The following PMPCA variants were observed in gnomAD, a reference collection of about 807,000 sequenced individuals.
PMPCA encodes mitochondrial-processing peptidase subunit alpha.
Under a neutral mutation model 59.3 loss-of-function variants are expected in PMPCA, and 47 were observed. The observed-to-expected ratio is 0.79, with a 90% CI of 0.63 to 1.01. PMPCA has a LOEUF of 1.01. Among genes scored for constraint, PMPCA ranks in the 50% least tolerant of loss-of-function variants. The probability of loss-of-function intolerance (pLI) is 0.00; values close to 1 mark genes in which losing one functional copy is unlikely to be tolerated. For missense variants in PMPCA, 726 were observed against 704.5 expected, an observed-to-expected ratio of 1.03 and a Z score of -0.34; for synonymous variants, 338 against 290.3, an observed-to-expected ratio of 1.16 and a Z score of -1.67.
chr9:136,415,126 C>G (rs1835237821), intron 5 of PMPCA, among the ~76,000 whole-genome samples: 2 of 152,178 alleles, frequency 1.3e-5, no homozygotes, highest in Non-Finnish European at 2.9e-5. Context: ...GTGCTAGTAG[C>G]CAGGCGTGCT....
intron 4 of PMPCA, 23 bp downstream of exon 4, chr9:136,412,915 A>C: frequency 2.1e-6 from 3 of 1,421,876 alleles, no homozygotes; most frequent in Non-Finnish European, 3.0e-6. Context: ...TTGTGTACAA[A>C]CTGACTTTGG....
intron 10 of PMPCA, 39 bp downstream of exon 10, chr9:136,418,957 C>G: frequency 6.2e-7 from 1 of 1,600,946 alleles, no homozygotes; most frequent in Non-Finnish European, 8.6e-7. Context: ...GTGCGGTTGC[C>G]TGTCCAGACC....
chr9:136,411,527 A>G (rs1023417648), intron 1 of PMPCA: 2 of 183,460 alleles, frequency 1.1e-5, no homozygotes, highest in African/African-American at 4.7e-5. Flanking sequence ...TGATGAGTCA[A>G]ATGTGTTCCA....
In PMPCA at chr9:136,417,193, G is replaced by A; in HGVS notation, c.876G>A (p.Gln292=). Residue 292 remains glutamine (Q), a synonymous_variant, in exon 7 of 13, where the codon CAG becomes CAA. Transcript: ENST00000371717. The stretch of plus-strand genomic sequence containing the variant: ...TGGATATTGACAGATCTGTGGCCCA[G>A]TACACTGGGGGGATTGCCAAGGTGA... ...EAVDIDRSVA[Q]YTGGIAKLER... is the part of the protein sequence containing the mutation. 3 of 1,583,036 alleles carry A rather than the reference G, an allele frequency of 1.9e-6. No individual in the cohort carries two copies. The highest frequency in any genetic ancestry group is 2.6e-6 in the Non-Finnish European group (3 of 1,158,934).
chr9:136,421,742 C>A, intron 11 of PMPCA, 90 bp from the exon 12 acceptor site: 1 of 1,250,180 alleles, frequency 8.0e-7, no homozygotes, highest in African/African-American at 1.5e-5. Context: ...CAGCTTTGGG[C>A]ACAGAGATGG....
rs977579131 is a variant in PMPCA at position 136,422,367 on chromosome 9, A to G, written c.1408+391A>G. 3.5e-6 allele frequency: 4 copies of G among 1,135,446 alleles called. No homozygotes were observed. In the African/African-American group the frequency reaches 6.5e-5, roughly 18 times the overall value. 70.3% of individuals were successfully genotyped at this position (1,135,446 alleles called of 1,614,324 possible). A position where few individuals can be genotyped will look rare whatever the true frequency, so the allele number is the denominator to read the frequency against. Reference sequence around the variant, plus strand: ...GCTGTACCGTTGCTGGCTCTCGGGCAGGAGTCTCAGCCCCAGGTTTCCGGG... The same window carrying G: ...GCTGTACCGTTGCTGGCTCTCGGGCGGGAGTCTCAGCCCCAGGTTTCCGGG... On this transcript the variant is annotated intron_variant, in intron 12 of 12. Coordinates refer to ENST00000371717, the MANE Select transcript of PMPCA (RefSeq NM_015160.3).
At chr9:136,421,404 G>GTTTTTTTGTTTTTTTTTTTTTTTTTTT (rs780035978) in intron 11 of PMPCA, among the ~76,000 whole-genome samples, 1 of 118,008 alleles carries the variant, frequency 8.5e-6, no homozygotes, top group Non-Finnish European at 1.7e-5. Context: ...CTGGGTTCCC[G>GTTTTTTTGTTTTTTTTTTTTTTTTTTT]TTTTTTTTTT....
intron 5 of PMPCA, 128 bp downstream of exon 5, chr9:136,414,775 C>G (rs1835229355): frequency 1.6e-6 from 1 of 645,006 alleles, no homozygotes; most frequent in African/African-American, 1.8e-5. Flanking sequence ...CACAAAGTGA[C>G]AGCGAGATCT....
At chr9:136,419,435 C>T (rs182870096) in intron 11 of PMPCA, 99 of 465,478 alleles carry the variant, frequency 2.1e-4, no homozygotes, top group African/African-American at 1.4e-3. Context: ...GCTTTGCTGG[C>T]GAAACGCTGC....
At chr9:136,415,996 G>T in intron 5 of PMPCA, 2 of 496,960 alleles carry the variant, frequency 4.0e-6, no homozygotes, top group South Asian at 5.3e-5. Flanking sequence ...ACTTGGGACA[G>T]ACAGGTCCAG....
chr9:136,417,318 G>T (rs117079013), intron 7 of PMPCA, 104 bp downstream of exon 7: 8 of 935,800 alleles, frequency 8.5e-6, no homozygotes, highest in Non-Finnish European at 1.3e-5. Context: ...GGTGTTGACT[G>T]CATGTGTAGC....
rs1362601486 is a variant in PMPCA at position 136,418,321 on chromosome 9, C to T, written c.990+212C>T. 8.6e-5 allele frequency among the ~76,000 whole-genome samples: 13 copies of T among 151,024 alleles called. No individual in the cohort carries two copies. The East Asian group carries it at 2.5e-3, about 29-fold the overall frequency. ...CCTCTGTCCCTGGCGTCTGACGGCG[C>T]TCGTGACACAGCGTGGGTGGCTCAG... On this transcript the variant is annotated intron_variant, in intron 8 of 12. Coordinates refer to ENST00000371717, the MANE Select transcript of PMPCA (RefSeq NM_015160.3).
In PMPCA at chr9:136,423,323, G is replaced by GGGAA; in HGVS notation, c.*59_*60insGGAA. ...GCAGCTGGAGCCCGTTCCCGTGCGT[G>GGGAA]TTAGTTTGGACACGAATTTAGTCTA... On this transcript the variant is annotated 3_prime_UTR_variant, in exon 13 of 13. Transcript: ENST00000371717. 6.5e-7 allele frequency: 1 copy of GGGAA among 1,534,970 alleles called. No homozygotes were observed. Among genetic ancestry groups the GGGAA allele is most frequent in the Non-Finnish European group, 8.8e-7 (1 of 1,131,374 alleles).
At chr9:136,420,233 T>A (rs1835411962) in intron 11 of PMPCA, 2 of 139,650 alleles carry the variant, frequency 1.4e-5, no homozygotes, top group South Asian at 4.4e-4. Context: ...GGTGGCATGA[T>A]CTCAACTCAT....
In PMPCA at chr9:136,419,039, C is replaced by T. The variant is rs750938738; in HGVS notation, c.1201-5C>T. On this transcript the variant is annotated splice_polypyrimidine_tract_variant and splice_region_variant and intron_variant, in intron 10 of 12. Transcript: ENST00000371717. ...ACACTGTTATCGTCTTGCCCTTCTT[C>T]GCAGGTTCGAGAAATGGTAGAAATC... is the stretch of plus-strand genomic sequence containing the variant. 1.1e-4 allele frequency: 173 copies of T among 1,613,562 alleles called. No homozygotes were observed. Among genetic ancestry groups the T allele is most frequent in the Non-Finnish European group, 1.4e-4 (161 of 1,179,546 alleles).
chr9:136,416,506 A>G (rs1016219380), intron 6 of PMPCA, 115 bp downstream of exon 6: 16 of 776,484 alleles, frequency 2.1e-5, no homozygotes, highest in Admixed American at 1.6e-4. Flanking sequence ...GGATATATAC[A>G]GAACATTTTT....
At chr9:136,419,011 G>C (rs1301549897) in intron 10 of PMPCA, 33 bp from the exon 11 acceptor site, 1 of 1,609,426 alleles carries the variant, frequency 6.2e-7, no homozygotes, top group Non-Finnish European at 8.5e-7. Context: ...GCAGGCGCAG[G>C]CCACACTGTT....
rs370801019 is a variant in PMPCA, at chr9:136,423,138, G to T, written c.1452G>T (p.Met484Ile). The T allele has an allele frequency of 2.2e-5, 35 of 1,613,530 alleles. No individual in the cohort carries two copies. In the East Asian group the frequency reaches 2.9e-4, roughly 13 times the overall value. The change falls in exon 13 of 13, where the codon ATG (methionine) becomes ATT (isoleucine). Residue 484 changes from methionine to isoleucine, a missense_variant. Coordinates refer to ENST00000371717, the MANE Select transcript of PMPCA (RefSeq NM_015160.3). ...PEDVKRVASK[M>I]LRGKPAVAAL... is the part of the protein sequence containing the mutation. The stretch of plus-strand genomic sequence containing the variant: ...ATGTGAAGAGAGTCGCTTCTAAGAT[G>T]CTCCGAGGGAAGCCGGCAGTGGCCG...
At chr9:136,417,323 T>C in intron 7 of PMPCA, 109 bp downstream of exon 7, 1 of 902,730 alleles carries the variant, frequency 1.1e-6, no homozygotes. Context: ...TGACTGCATG[T>C]GTAGCTTTGC....
Sources: gnomAD v4.1 joint callset for allele counts (sites outside exome capture counted in the v4.1 genomes callset) on GRCh38, gnomAD v4.1.1 for gene constraint, MANE v1.5 for transcripts, NCBI Gene and HGNC (gene_info 2026-07-23, HGNC 2026-07-21) for gene names.